The following STX11 variants were observed in gnomAD, a reference collection of about 807,000 sequenced individuals.
The protein encoded by STX11 is syntaxin-11.
A neutral mutation model predicts 19.9 loss-of-function variants in STX11; 21 were observed. That is an observed-to-expected ratio of 1.06 (90% CI 0.75 to 1.52). STX11 has a LOEUF of 1.52. Ranked by LOEUF, STX11 falls within the 40% of genes most tolerant of loss-of-function variation. STX11 has a pLI of 0.00. For synonymous variants in STX11, 193 were observed against 174.4 expected, an observed-to-expected ratio of 1.11 and a Z score of -0.84; for missense variants, 438 against 405.9, an observed-to-expected ratio of 1.08 and a Z score of -0.68.
Position 144,188,191 on chromosome 6 carries a change from C to A in STX11, c.*700C>A. ...CGAACAAGCACTCAAATTGAAGTAT[C>A]AGTCATGTTTTGTGTATTTTTCGCT... On this transcript the variant is annotated 3_prime_UTR_variant, in exon 2 of 2. Coordinates refer to ENST00000367568, the MANE Select transcript of STX11 (RefSeq NM_003764.4). 1 of 237,104 alleles carries A rather than the reference C, an allele frequency of 4.2e-6. No individual in the cohort carries two copies. Among genetic ancestry groups the A allele is most frequent in the African/African-American group, 2.2e-5 (1 of 44,894 alleles). The allele number at this position is 237,104 out of a possible 1,614,324, so 14.7% of individuals were successfully genotyped here.
At chr6:144,149,439 C>A (rs1373758008), upstream of STX11, among the ~76,000 whole-genome samples, 1 of 152,136 alleles carries the variant, frequency 6.6e-6, no homozygotes. This position sits in a 1 kb window ranked among gnomAD's most constrained non-coding sequence, Gnocchi z 5.1. Context: ...TCTAAACATT[C>A]TGCCATCAAG....
In STX11 at chr6:144,187,089, C is replaced by A. The variant is rs1391934675; in HGVS notation, c.462C>A (p.Arg154=). The part of the protein sequence containing the change: ...HDYNQAEMKQ[R]DNCKIRIQRQ... ...ACAACCAGGCCGAGATGAAGCAGCG[C>A]GACAACTGCAAGATCCGCATCCAGC... The change falls in exon 2 of 2, where the codon CGC becomes CGA. Residue 154 remains arginine, a synonymous_variant. Transcript: ENST00000367568. The surrounding 1 kb of genome is among the most constrained non-coding windows in gnomAD (Gnocchi z 5.6). 6.2e-7 allele frequency: 1 copy of A among 1,613,706 alleles called. No individual in the cohort carries two copies. Among genetic ancestry groups the A allele is most frequent in the Non-Finnish European group, 8.5e-7 (1 of 1,180,002 alleles).
rs987896319 is a variant in STX11, at chr6:144,154,313, C to T, written c.-6+3610C>T. ...GGCCTTGATGCATAAGATGGGCCTT[C>T]AGTGTCCCTACTGTGCTACATGACA... On this transcript the variant is annotated intron_variant, in intron 1 of 1. Coordinates refer to ENST00000367568, the MANE Select transcript of STX11 (RefSeq NM_003764.4). This position sits in a 1 kb window ranked among gnomAD's most constrained non-coding sequence, Gnocchi z 4.7. Among the ~76,000 whole-genome samples, 1 of 152,206 alleles carries T rather than the reference C, an allele frequency of 6.6e-6. No homozygotes were observed. Among genetic ancestry groups the T allele is most frequent in the African/African-American group, 2.4e-5 (1 of 41,460 alleles).
At position 144,189,825 on chromosome 6, in the gene STX11, T is replaced by C; in HGVS notation, c.*2334T>C. ...TTTCAGCCAACTCCAAGGATATGTA[T>C]CACCTTTGACTTAATTTGCTTTCTC... On this transcript the variant is annotated 3_prime_UTR_variant, in exon 2 of 2. Coordinates refer to ENST00000367568, the MANE Select transcript of STX11 (RefSeq NM_003764.4). 6.6e-6 allele frequency among the ~76,000 whole-genome samples: 1 copy of C among 152,214 alleles called. No homozygotes were observed. Among genetic ancestry groups the C allele is most frequent in the Middle Eastern group, 3.2e-3 (1 of 316 alleles).
At chr6:144,146,268 GCT>G (rs953720681), upstream of STX11, among the ~76,000 whole-genome samples, 10 of 152,146 alleles carry the variant, frequency 6.6e-5, no homozygotes, top group Non-Finnish European at 1.3e-4. The surrounding 1 kb of genome is among the most constrained non-coding windows in gnomAD (Gnocchi z 4.4). Context: ...CCCAGTGCCT[GCT>G]CTGTTTTATC....
At chr6:144,140,252 A>AAATTTTTT in the STX11 span, among the ~76,000 whole-genome samples, 1 of 52,016 alleles carries the variant, frequency 1.9e-5, no homozygotes, top group African/African-American at 1.0e-4. Flanking sequence ...ATATATATAT[A>AAATTTTTT]TATTTATTTA....
chr6:144,158,712 A>G (rs1327117074), intron 1 of STX11, among the ~76,000 whole-genome samples: 2 of 152,238 alleles, frequency 1.3e-5, no homozygotes, highest in Admixed American at 6.5e-5. Flanking sequence ...GTCTAATGAG[A>G]TCAGAGATAA....
At chr6:144,141,055 G>A in the STX11 span, among the ~76,000 whole-genome samples, 6 of 152,290 alleles carry the variant, frequency 3.9e-5, no homozygotes, top group East Asian at 1.9e-4. Context: ...TTCTGCAGAC[G>A]AAGGCAATGG....
Position 144,172,404 on chromosome 6 carries a change from G to A in STX11, c.-5-14219G>A, listed in dbSNP as rs1236059984. Among the ~76,000 whole-genome samples the A allele has an allele frequency of 6.6e-6, 1 of 152,142 alleles. No homozygotes were observed. The highest frequency in any genetic ancestry group is 6.6e-5 in the Admixed American group (1 of 15,266). ...AGCTTTCTCACATAATGGTTTCAGTGTTCCCAGAGCAGATAAGCCCCAAGG... is the reference window on the plus strand; with the variant it reads ...AGCTTTCTCACATAATGGTTTCAGTATTCCCAGAGCAGATAAGCCCCAAGG... On this transcript the variant is annotated intron_variant, in intron 1 of 1. Coordinates refer to ENST00000367568, the MANE Select transcript of STX11 (RefSeq NM_003764.4). This position sits in a 1 kb window ranked among gnomAD's most constrained non-coding sequence, Gnocchi z 4.2.
At chr6:144,150,430 C>A, upstream of STX11, 1 of 938,354 alleles carries the variant, frequency 1.1e-6, no homozygotes, top group Non-Finnish European at 1.3e-6. Context: ...CGGCTGCCGC[C>A]GCGCCCCAGC....
the STX11 span, among the ~76,000 whole-genome samples, chr6:144,144,401 A>C: frequency 6.6e-6 from 1 of 152,220 alleles, no homozygotes; most frequent in Non-Finnish European, 1.5e-5. Context: ...TAAGCAGCAT[A>C]TTTTCTCTCT....
chr6:144,164,220 C>G (rs551911320), intron 1 of STX11, among the ~76,000 whole-genome samples: 1 of 152,062 alleles, frequency 6.6e-6, no homozygotes, highest in African/African-American at 2.4e-5. Flanking sequence ...CTTAAAATCT[C>G]GTTAAAAGCC....
chr6:144,173,224 T>C (rs1259604608), intron 1 of STX11, among the ~76,000 whole-genome samples: 5 of 152,234 alleles, frequency 3.3e-5, no homozygotes, highest in Non-Finnish European at 7.3e-5. Flanking sequence ...TGTGTGCTTT[T>C]TAGTAAAATT....
rs79695798 is a variant in STX11, at chr6:144,165,093, T to C, written c.-6+14390T>C. Among the ~76,000 whole-genome samples, 15,828 of 152,264 alleles carry C rather than the reference T, an allele frequency of 0.1. 1,359 individuals are homozygous for C. The highest frequency in any genetic ancestry group is 0.47 in the East Asian group (2,412 of 5,180). On this transcript the variant is annotated intron_variant, in intron 1 of 1. Transcript: ENST00000367568. The surrounding 1 kb of genome is among the most constrained non-coding windows in gnomAD (Gnocchi z 5.8). Reference sequence around the variant, plus strand: ...TCTACGACTACTTTTTAGTTGGTTTTGTTTTGCAGGGAGATATTGGTTATT... The same window carrying C: ...TCTACGACTACTTTTTAGTTGGTTTCGTTTTGCAGGGAGATATTGGTTATT...
the STX11 span, among the ~76,000 whole-genome samples, chr6:144,145,134 T>C: frequency 2.0e-5 from 3 of 152,094 alleles, no homozygotes; most frequent in Non-Finnish European, 4.4e-5. Flanking sequence ...AGCCAAAGGG[T>C]GGAAGCAACG....
In STX11 at chr6:144,153,624, A is replaced by G. The variant is rs1263502947; in HGVS notation, c.-6+2921A>G. 6.6e-6 allele frequency among the ~76,000 whole-genome samples: 1 copy of G among 152,242 alleles called. No individual in the cohort carries two copies. The highest frequency in any genetic ancestry group is 2.4e-5 in the African/African-American group (1 of 41,464). ...AAATAATAACAAAACTTGGAATTTT[A>G]AAAATCTTAGATTAGATGAGAGTGA... is the stretch of plus-strand genomic sequence containing the variant. On this transcript the variant is annotated intron_variant, in intron 1 of 1. Coordinates refer to ENST00000367568, the MANE Select transcript of STX11 (RefSeq NM_003764.4). The surrounding 1 kb of genome is among the most constrained non-coding windows in gnomAD (Gnocchi z 5.0).
Position 144,155,781 on chromosome 6 carries a change from A to G in STX11, c.-6+5078A>G, listed in dbSNP as rs2128747269. ...TGTCAGAGTAAGTCATTTCTTGGCC[A>G]CTCCTTCTGAGTTTATGGATACCAG... On this transcript the variant is annotated intron_variant, in intron 1 of 1. Coordinates refer to ENST00000367568, the MANE Select transcript of STX11 (RefSeq NM_003764.4). The surrounding 1 kb of genome is among the most constrained non-coding windows in gnomAD (Gnocchi z 4.5). Among the ~76,000 whole-genome samples, 1 of 151,096 alleles carries G rather than the reference A, an allele frequency of 6.6e-6. No homozygotes were observed. The highest frequency in any genetic ancestry group is 2.4e-5 in the African/African-American group (1 of 41,136).
chr6:144,158,877 C>T (rs1584020555), intron 1 of STX11, among the ~76,000 whole-genome samples: 2 of 152,264 alleles, frequency 1.3e-5, no homozygotes, highest in East Asian at 3.9e-4. Flanking sequence ...TTACACTTTC[C>T]AGGCTTCATG....
chr6:144,147,820 C>T (rs1800903721), upstream of STX11, among the ~76,000 whole-genome samples: 1 of 152,166 alleles, frequency 6.6e-6, no homozygotes, highest in South Asian at 2.1e-4. This position sits in a 1 kb window ranked among gnomAD's most constrained non-coding sequence, Gnocchi z 4.2. Context: ...GTGGGAGGAT[C>T]ACTTGAGCAG....
Sources: gnomAD v4.1 joint callset for allele counts (sites outside exome capture counted in the v4.1 genomes callset) on GRCh38, gnomAD v4.1.1 for gene constraint, Gnocchi (gnomAD v3.1) non-coding constraint, MANE v1.5 for transcripts, NCBI Gene and HGNC (gene_info 2026-07-23, HGNC 2026-07-21) for gene names.